The following BTBD6 variants were observed in gnomAD, a reference collection of about 807,000 sequenced individuals.
BTBD6 encodes BTB domain containing 6, also known as BTB/POZ domain-containing protein 6.
BTBD6 carries 30 observed loss-of-function variants against 40.6 expected under a neutral mutation model. That is an observed-to-expected ratio of 0.74 (90% confidence interval 0.55 to 1.00). The LOEUF is 1.00. BTBD6 is among the 50% of genes least tolerant of loss of function. The pLI, the probability that BTBD6 is intolerant of heterozygous loss-of-function variation, is 0.00. For missense variants in BTBD6, 698 were observed against 694.6 expected (o/e 1.00, Z -0.06); for synonymous variants, 378 against 308.7 (o/e 1.22, Z -2.35).
chr14:105,249,599 G>T, intron 3 of BTBD6, 41 bp from the exon 4 acceptor site: 1 of 1,589,374 alleles, frequency 6.3e-7, no homozygotes, highest in African/African-American at 1.3e-5. Flanking sequence ...CGCGATGGGT[G>T]CTTGGGAGCC....
chr14:105,250,325 G>A lies in BTBD6; in HGVS notation c.1270G>A (p.Ala424Thr). ...QFAVDRRVFI[A>T]GLGLYGSSSG... is the part of the protein sequence containing the mutation. ...TGCAGTGGACAGAAGGGTATTTATT[G>A]CAGGGCTGGGCCTGTATGGCTCCAG... Residue 424 changes from alanine to threonine, a missense_variant, in exon 4 of 4, where the codon GCA becomes ACA. Coordinates refer to ENST00000392554, the MANE Select transcript of BTBD6 (RefSeq NM_001387567.1). 1 of 1,613,472 alleles carries A rather than the reference G, an allele frequency of 6.2e-7. No individual in the cohort carries two copies. Among genetic ancestry groups the A allele is most frequent in the Non-Finnish European group, 8.5e-7 (1 of 1,180,040 alleles).
Position 105,249,171 on chromosome 14 carries a change from T to C in BTBD6, c.389T>C (p.Phe130Ser). The C allele has an allele frequency of 6.3e-7, 1 of 1,583,880 alleles. No homozygotes were observed. The highest frequency in any genetic ancestry group is 8.5e-7 in the Non-Finnish European group (1 of 1,172,396). Residue 130 changes from phenylalanine (F) to serine (S), a missense_variant, in exon 2 of 4, where the codon TTC becomes TCC. Physicochemically the swap from Phe to Ser is radical, Grantham distance 155. Transcript: ENST00000392554. Reference protein sequence around the residue: ...PTLRERNALMFNNELMADVHF... With the variant: ...PTLRERNALMSNNELMADVHF... ...TACCTTTGCAGGAACGCGCTCATGT[T>C]CAACAACGAGCTCATGGCCGACGTG... is the stretch of plus-strand genomic sequence containing the variant.
Position 105,250,715 on chromosome 14 carries a change from G to T in BTBD6, c.*43G>T, listed in dbSNP as rs1456463936. 2.4e-5 allele frequency: 37 copies of T among 1,562,318 alleles called. No individual in the cohort carries two copies. The highest frequency in any genetic ancestry group is 3.2e-5 in the Non-Finnish European group (37 of 1,149,384). On this transcript the variant is annotated 3_prime_UTR_variant, in exon 4 of 4. Transcript: ENST00000392554. ...CAGCAGGTCAGCGAGTGAGTGGAGG[G>T]GAAGTCAAGATGCTAACTGCTTCTT...
rs1450652005 is a variant in BTBD6 at position 105,248,595 on chromosome 14, GC to G, written c.-111del. The G allele has an allele frequency of 7.3e-6, 7 of 958,780 alleles. No individual in the cohort carries two copies. Among genetic ancestry groups the G allele is most frequent in the Middle Eastern group, 5.3e-4 (1 of 1,874 alleles). The allele number at this position is 958,780 out of a possible 1,614,324, so 59.4% of individuals were successfully genotyped here. ...CGGGCGGGCGGGCGGGCGGGACGGC[GC>G]CCCCCGCGGCCGGGCCTGGCCGGGC... is the stretch of plus-strand genomic sequence containing the variant. On this transcript the variant is annotated 5_prime_UTR_variant, in exon 1 of 4. Transcript: ENST00000392554.
chr14:105,249,866 G>T lies in BTBD6; in HGVS notation c.811G>T (p.Ala271Ser). 1 of 1,612,560 alleles carries T rather than the reference G, an allele frequency of 6.2e-7. No homozygotes were observed. The highest frequency in any genetic ancestry group is 8.5e-7 in the Non-Finnish European group (1 of 1,180,018). ...WEVIDAQAEM[A>S]LRSEGFCEID... Reference sequence around the variant, plus strand: ...GGTCATTGACGCACAGGCCGAGATGGCCCTACGGTCCGAAGGCTTCTGTGA... The same window carrying T: ...GGTCATTGACGCACAGGCCGAGATGTCCCTACGGTCCGAAGGCTTCTGTGA... Residue 271 changes from alanine to serine, a missense_variant, in exon 4 of 4, where the codon GCC (alanine) becomes TCC (serine). Coordinates refer to ENST00000392554, the MANE Select transcript of BTBD6 (RefSeq NM_001387567.1).
Position 105,249,260 on chromosome 14 carries a change from G to T in BTBD6, c.465+13G>T. 1 of 1,563,928 alleles carries T rather than the reference G, an allele frequency of 6.4e-7. No individual in the cohort carries two copies. Among genetic ancestry groups the T allele is most frequent in the East Asian group, 2.3e-5 (1 of 43,044 alleles). On this transcript the variant is annotated intron_variant, in intron 2 of 3. Coordinates refer to ENST00000392554, the MANE Select transcript of BTBD6 (RefSeq NM_001387567.1). Reference sequence around the variant, plus strand: ...GCCCGCCCACAAGGTGGGTAGCGGCGGCCCCTCTCGGAACGCGTGCCCCGT... The same window carrying T: ...GCCCGCCCACAAGGTGGGTAGCGGCTGCCCCTCTCGGAACGCGTGCCCCGT...
Position 105,248,688 on chromosome 14 carries a change from C to A in BTBD6, c.-24C>A. The A allele has an allele frequency of 1.0e-6, 1 of 982,114 alleles. No homozygotes were observed. The highest frequency in any genetic ancestry group is 1.1e-4 in the East Asian group (1 of 8,806). 60.8% of individuals were successfully genotyped at this position (982,114 alleles called of 1,614,324 possible). A position where few individuals can be genotyped will look rare whatever the true frequency, so the allele number is the denominator to read the frequency against. ...GGCAGGGGAGCGGGTGGCAGCCCCG[C>A]GGGTCACAGCGCCGCCGCCGCCCAT... On this transcript the variant is annotated 5_prime_UTR_variant, in exon 1 of 4. Transcript: ENST00000392554.
At position 105,250,126 on chromosome 14, in the gene BTBD6, T is replaced by C. The variant is rs1171957792; in HGVS notation, c.1071T>C (p.Thr357=). The C allele has an allele frequency of 1.2e-6, 2 of 1,612,922 alleles. No individual in the cohort carries two copies. Among genetic ancestry groups the C allele is most frequent in the Admixed American group, 3.3e-5 (2 of 60,024 alleles). ...ANGAAQSDIL[T]LEETHSIFLW... is the part of the protein sequence containing the mutation. ...GCGCTGCCCAGTCAGACATCCTGAC[T>C]CTGGAGGAGACCCACAGCATCTTCC... The change falls in exon 4 of 4, where the codon ACT becomes ACC. Residue 357 remains threonine, a synonymous_variant. Transcript: ENST00000392554.
rs2055383701 is a variant in BTBD6 at position 105,249,053 on chromosome 14, C to T, written c.342C>T (p.Gly114=). Reference sequence around the variant, plus strand: ...GCAACAACCACCAGGAGAGCCCCGGCTGGCGGTGCTGCCGCCCCACGCTGC... The same window carrying T: ...GCAACAACCACCAGGAGAGCCCCGGTTGGCGGTGCTGCCGCCCCACGCTGC... ...TLGNNHQESP[G]WRCCRPTLRE... Residue 114 remains glycine (G), a synonymous_variant, in exon 1 of 4, where the codon GGC becomes GGT. Coordinates refer to ENST00000392554, the MANE Select transcript of BTBD6 (RefSeq NM_001387567.1). 1.1e-5 allele frequency: 14 copies of T among 1,292,026 alleles called. No homozygotes were observed. Among genetic ancestry groups the T allele is most frequent in the Middle Eastern group, 3.0e-4 (1 of 3,364 alleles). The allele number at this position is 1,292,026 out of a possible 1,614,324, so 80.0% of individuals were successfully genotyped here.
rs932182269 is a variant in BTBD6, at chr14:105,248,742, C to T, written c.31C>T (p.Arg11Cys). The T allele has an allele frequency of 1.6e-5, 16 of 981,858 alleles. No individual in the cohort carries two copies. In the African/African-American group the frequency reaches 2.3e-4, roughly 14 times the overall value. The allele number at this position is 981,858 out of a possible 1,614,324, so 60.8% of individuals were successfully genotyped here. ...GCTGCCCCTAGCCTGCCTGCACGGC[C>T]GCGTCGCTCAGTGCCTGACCTCCTT... MLLPLACLHG[R>C]VAQCLTSLLL... Residue 11 changes from arginine (R) to cysteine (C), a missense_variant, in exon 1 of 4, where the codon CGC becomes TGC. Coordinates refer to ENST00000392554, the MANE Select transcript of BTBD6 (RefSeq NM_001387567.1).
chr14:105,249,999 G>C lies in BTBD6; in HGVS notation c.944G>C (p.Arg315Thr), dbSNP rs367672327. The change falls in exon 4 of 4, where the codon AGG becomes ACG. Residue 315 changes from arginine to threonine, a missense_variant. Coordinates refer to ENST00000392554, the MANE Select transcript of BTBD6 (RefSeq NM_001387567.1). ...AACTGGGCCGAGGCGGAGTGCAAGA[G>C]GCAGGGGCTGCCAATCACCCCACGA... ...VLNWAEAECK[R>T]QGLPITPRNK... is the part of the protein sequence containing the mutation. 3 of 1,612,688 alleles carry C rather than the reference G, an allele frequency of 1.9e-6. No homozygotes were observed. The African/African-American group carries it at 4.0e-5, about 22-fold the overall frequency.
chr14:105,249,815 C>A lies in BTBD6; in HGVS notation c.760C>A (p.Pro254Thr), dbSNP rs1566835267. 6.2e-7 allele frequency: 1 copy of A among 1,613,596 alleles called. No individual in the cohort carries two copies. The highest frequency in any genetic ancestry group is 8.5e-7 in the Non-Finnish European group (1 of 1,180,034). The change falls in exon 4 of 4, where the codon CCC (proline) becomes ACC (threonine). Residue 254 changes from proline to threonine, a missense_variant. By Grantham distance (38) the Pro-to-Thr change is conservative. Coordinates refer to ENST00000392554, the MANE Select transcript of BTBD6 (RefSeq NM_001387567.1). The stretch of plus-strand genomic sequence containing the variant: ...GTCCCAGAGCCGGCTGTTTGAGGAG[C>A]CCGAGCTGACGCAGCGCTGCTGGGA... Reference protein sequence around the residue: ...LLSQSRLFEEPELTQRCWEVI... With the variant: ...LLSQSRLFEETELTQRCWEVI...
At position 105,249,440 on chromosome 14, in the gene BTBD6, TC is replaced by T. The variant is rs1188013545; in HGVS notation, c.548del (p.Pro183GlnfsTer9). 2 of 1,605,420 alleles carry T rather than the reference TC, an allele frequency of 1.2e-6. No individual in the cohort carries two copies. The highest frequency in any genetic ancestry group is 1.7e-6 in the Non-Finnish European group (2 of 1,175,826). Reference protein sequence around the residue: ...LAEVKSEIHIPDVEPAAFLIL... With the variant: ...LAEVKSEIHIXDVEPAAFLIL... ...CGGAAGTCAAATCTGAAATTCACAT[TC>T]CAGACGTGGAGCCCGCAGCCTTTCT... is the stretch of plus-strand genomic sequence containing the variant. On this transcript the variant is annotated frameshift_variant, in exon 3 of 4. Transcript: ENST00000392554. LOFTEE classifies it high-confidence loss of function.
chr14:105,249,142 CCT>C lies in BTBD6; in HGVS notation c.375-12_375-11del, dbSNP rs1566833902. ...CGCGCGCCCACGCCCCCAGCCCGTG[CCT>C]CTACCTTTGCAGGAACGCGCTCATG... On this transcript the variant is annotated splice_polypyrimidine_tract_variant and intron_variant, in intron 1 of 3. Coordinates refer to ENST00000392554, the MANE Select transcript of BTBD6 (RefSeq NM_001387567.1). 1.3e-6 allele frequency: 2 copies of C among 1,560,324 alleles called. No homozygotes were observed. The highest frequency in any genetic ancestry group is 1.7e-6 in the Non-Finnish European group (2 of 1,160,304).
chr14:105,248,556 G>GGCGGGTACGGGCTCGGGCGGGCGGGT lies in BTBD6; in HGVS notation c.-131_-130insTGCGGGTACGGGCTCGGGCGGGCGGG. The GGCGGGTACGGGCTCGGGCGGGCGGGT allele has an allele frequency of 1.2e-6, 1 of 827,456 alleles. No homozygotes were observed. Among genetic ancestry groups the GGCGGGTACGGGCTCGGGCGGGCGGGT allele is most frequent in the African/African-American group, 2.1e-5 (1 of 46,922 alleles). The allele number at this position is 827,456 out of a possible 1,614,324, so 51.3% of individuals were successfully genotyped here. On this transcript the variant is annotated 5_prime_UTR_variant, in exon 1 of 4. Coordinates refer to ENST00000392554, the MANE Select transcript of BTBD6 (RefSeq NM_001387567.1). The stretch of plus-strand genomic sequence containing the variant: ...ACGCAGCGTGACGCACCGGCGCCGC[G>GGCGGGTACGGGCTCGGGCGGGCGGGT]GCGGGTACGGGCTCGGGCGGGCGGG...
Position 105,250,411 on chromosome 14 carries a change from T to A in BTBD6, c.1356T>A (p.Ala452=). 6.2e-7 allele frequency: 1 copy of A among 1,613,900 alleles called. No homozygotes were observed. The highest frequency in any genetic ancestry group is 8.5e-7 in the Non-Finnish European group (1 of 1,180,048). The part of the protein sequence containing the change: ...IELKRLGVVL[A]QNLTKFMSDG... ...TCAAGCGGCTCGGGGTGGTTCTGGC[T>A]CAGAACTTGACCAAGTTCATGTCAG... Residue 452 remains alanine (A), a synonymous_variant, in exon 4 of 4, where the codon GCT becomes GCA. Transcript: ENST00000392554.
Position 105,250,285 on chromosome 14 carries a change from C to A in BTBD6, c.1230C>A (p.Cys410Ter). Residue 410 changes from cysteine (C) to a stop codon, truncating the protein, a stop_gained, in exon 4 of 4, where the codon TGC (cysteine) becomes TGA (stop). Transcript: ENST00000392554. LOFTEE classifies it high-confidence loss of function. The stretch of plus-strand genomic sequence containing the variant: ...ACCAGTGGCGGTACCGCGGGCGCTG[C>A]GACAGCATCCAGTTTGCAGTGGACA... ...RSNQWRYRGR[C>*]DSIQFAVDRR... 6.2e-7 allele frequency: 1 copy of A among 1,613,094 alleles called. No homozygotes were observed. Among genetic ancestry groups the A allele is most frequent in the South Asian group, 1.1e-5 (1 of 91,086 alleles).
chr14:105,248,798 CCGGCGCGGCGCGAGGGCGCGGGGCG>C lies in BTBD6; in HGVS notation c.93_117del (p.Gly32ProfsTer30). ...TGCTTGCAGAGCCGCTCCCGAGGCCCCGGCGCGGCGCGAGGGCGCGGGGCGCGGCGTCCACAGGCGCCGAGGCTGC... is the reference window on the plus strand; with the variant it reads ...TGCTTGCAGAGCCGCTCCCGAGGCCCCGGCGTCCACAGGCGCCGAGGCTGC... On this transcript the variant is annotated frameshift_variant, in exon 1 of 4. Transcript: ENST00000392554. LOFTEE classifies it high-confidence loss of function. 1 of 983,128 alleles carries C rather than the reference CCGGCGCGGCGCGAGGGCGCGGGGCG, an allele frequency of 1.0e-6. No individual in the cohort carries two copies. The highest frequency in any genetic ancestry group is 1.2e-6 in the Non-Finnish European group (1 of 830,080). 60.9% of individuals were successfully genotyped at this position (983,128 alleles called of 1,614,324 possible). A position where few individuals can be genotyped will look rare whatever the true frequency, so the allele number is the denominator to read the frequency against.
intron 3 of BTBD6, 52 bp from the exon 4 acceptor site, chr14:105,249,588 C>G: frequency 2.5e-6 from 4 of 1,585,984 alleles, no homozygotes; most frequent in Non-Finnish European, 3.4e-6. Flanking sequence ...AGGCCCAGCC[C>G]CGCGATGGGT....
Sources: gnomAD v4.1 joint callset for allele counts on GRCh38, gnomAD v4.1.1 for gene constraint, MANE v1.5 for transcripts, NCBI Gene and HGNC (gene_info 2026-07-23, HGNC 2026-07-21) for gene names.